The following NAALADL2 variants were observed in gnomAD, a reference collection of about 807,000 sequenced individuals.
NAALADL2 encodes the protein N-acetylated alpha-linked acidic dipeptidase like 2.
A neutral mutation model predicts 87.2 loss-of-function variants in NAALADL2; 76 were observed. That is an observed-to-expected ratio of 0.87 (90% CI 0.72 to 1.05). The LOEUF (loss-of-function observed/expected upper bound fraction) is 1.05. Ranked by LOEUF, NAALADL2 falls within the 50% of genes least tolerant of loss-of-function variation. The pLI is 0.00. For synonymous variants in NAALADL2, 354 were observed against 331.0 expected, an observed-to-expected ratio of 1.07 and a Z score of -0.75; for missense variants, 1,089 against 945.8, an observed-to-expected ratio of 1.15 and a Z score of -1.99.
chr3:174,932,767 T>G (rs1248713546), intron 1 of NAALADL2, among the ~76,000 whole-genome samples: 1 of 152,164 alleles, frequency 6.6e-6, no homozygotes, highest in East Asian at 1.9e-4. Context: ...TGATTTATAG[T>G]GATATGGTCA....
intron 12 of NAALADL2, among the ~76,000 whole-genome samples, chr3:175,747,983 A>C (rs1391989773): frequency 1.3e-5 from 2 of 152,096 alleles, no homozygotes. Flanking sequence ...TTATTGGATA[A>C]TCTTTAGAAT....
chr3:174,977,505 T>A (rs1744521987), intron 1 of NAALADL2, among the ~76,000 whole-genome samples: 1 of 152,258 alleles, frequency 6.6e-6, no homozygotes, highest in Non-Finnish European at 1.5e-5. Context: ...TTGAAAAGAT[T>A]TGTAAAAATT....
chr3:174,988,503 G>T (rs1008762302), intron 1 of NAALADL2, among the ~76,000 whole-genome samples: 1 of 152,144 alleles, frequency 6.6e-6, no homozygotes, highest in Non-Finnish European at 1.5e-5. Flanking sequence ...TTTCTGGTCT[G>T]CCACAACCAC....
chr3:175,561,507 T>A (rs775378318), intron 9 of NAALADL2, among the ~76,000 whole-genome samples: 1 of 152,264 alleles, frequency 6.6e-6, no homozygotes, highest in Middle Eastern at 3.4e-3. Flanking sequence ...AAATGTTAGA[T>A]GAAATATAAC....
intron 9 of NAALADL2, among the ~76,000 whole-genome samples, chr3:175,574,659 T>C (rs62285568): frequency 0.14 from 21,872 of 152,122 alleles, 1,698 homozygotes; most frequent in Middle Eastern, 0.2. Flanking sequence ...CTCACTCTAG[T>C]AAGTCCACTT....
intron 5 of NAALADL2, among the ~76,000 whole-genome samples, chr3:175,366,562 G>C (rs1352854605): frequency 6.6e-6 from 1 of 151,784 alleles, no homozygotes; most frequent in East Asian, 1.9e-4. Flanking sequence ...TAACTGGTGT[G>C]AGATGGTATC....
At chr3:175,431,420 A>G (rs1199644069) in intron 5 of NAALADL2, among the ~76,000 whole-genome samples, 2 of 151,996 alleles carry the variant, frequency 1.3e-5, no homozygotes, top group Admixed American at 1.3e-4. Flanking sequence ...AGTATTTGTC[A>G]CTGGCGTAAT....
chr3:174,903,985 T>TCTATATCTATA (rs1560345336), intron 1 of NAALADL2, among the ~76,000 whole-genome samples: 1 of 128,448 alleles, frequency 7.8e-6, no homozygotes, highest in African/African-American at 3.5e-5. Flanking sequence ...CTATATCTAT[T>TCTATATCTATA]TCTATATCTA....
intron 9 of NAALADL2, among the ~76,000 whole-genome samples, chr3:175,526,998 G>A (rs1733508730): frequency 2.0e-5 from 3 of 152,058 alleles, no homozygotes; most frequent in South Asian, 2.1e-4. Flanking sequence ...CACTTTCCTT[G>A]TACTGTTTCC....
intron 1 of NAALADL2, among the ~76,000 whole-genome samples, chr3:175,064,270 C>T (rs1388416394): frequency 6.7e-6 from 1 of 149,584 alleles, no homozygotes; most frequent in Non-Finnish European, 1.5e-5. Flanking sequence ...AGAAAAACGA[C>T]AACAAAACCA....
intron 13 of NAALADL2, among the ~76,000 whole-genome samples, chr3:175,790,742 A>G (rs1752682612): frequency 6.6e-6 from 1 of 152,200 alleles, no homozygotes; most frequent in Non-Finnish European, 1.5e-5. Flanking sequence ...CTTGAACAAC[A>G]CTTTCAAATT....
chr3:174,820,339 T>C (rs570997963), intron 3 of NAALADL2, among the ~76,000 whole-genome samples: 2 of 152,216 alleles, frequency 1.3e-5, no homozygotes, highest in Non-Finnish European at 2.9e-5. Flanking sequence ...ACCAATGTTT[T>C]CTATTCTCAG....
At chr3:174,727,482 A>C (rs1488194241) in intron 2 of NAALADL2, among the ~76,000 whole-genome samples, 2 of 152,100 alleles carry the variant, frequency 1.3e-5, no homozygotes, top group East Asian at 3.9e-4. Flanking sequence ...CAAAAGCTCA[A>C]ATCCAGCCTG....
Position 175,321,931 on chromosome 3 carries a change from C to T in NAALADL2, c.940-2244C>T, listed in dbSNP as rs1442247947. On this transcript the variant is annotated intron_variant, in intron 4 of 13. Transcript: ENST00000454872. Reference sequence around the variant, plus strand: ...TACTGCCCAAGGTAATTTACAGATTCAATGCCATCCCCATCAAGCTACCAA... The same window carrying T: ...TACTGCCCAAGGTAATTTACAGATTTAATGCCATCCCCATCAAGCTACCAA... 6.7e-3 allele frequency among the ~76,000 whole-genome samples: 1,000 copies of T among 149,230 alleles called. 16 individuals are homozygous for T. The highest frequency in any genetic ancestry group is 0.024 in the African/African-American group (963 of 40,236).
intron 11 of NAALADL2, among the ~76,000 whole-genome samples, chr3:175,674,784 A>AT (rs1249896583): frequency 2.6e-5 from 4 of 152,074 alleles, no homozygotes; most frequent in Non-Finnish European, 5.9e-5. Context: ...TCTTTTGATG[A>AT]TTTTTCATTG....
chr3:175,153,626 T>A (rs1731878108), intron 2 of NAALADL2, among the ~76,000 whole-genome samples: 1 of 152,184 alleles, frequency 6.6e-6, no homozygotes, highest in African/African-American at 2.4e-5. Flanking sequence ...TTTAAACAGT[T>A]TAAACAGAAT....
chr3:175,255,008 TG>T (rs1291043761), intron 3 of NAALADL2, among the ~76,000 whole-genome samples: 1 of 152,118 alleles, frequency 6.6e-6, no homozygotes, highest in Non-Finnish European at 1.5e-5. Context: ...TGGGCGAGTA[TG>T]GGTATGTAAT....
chr3:175,007,014 A>T (rs1025932347), intron 1 of NAALADL2, among the ~76,000 whole-genome samples: 4 of 151,776 alleles, frequency 2.6e-5, no homozygotes, highest in Non-Finnish European at 5.9e-5. Flanking sequence ...AATTAACCTT[A>T]TTCATAGCTC....
intron 1 of NAALADL2, among the ~76,000 whole-genome samples, chr3:174,874,022 C>T (rs776813469): frequency 6.6e-6 from 1 of 152,014 alleles, no homozygotes; most frequent in Non-Finnish European, 1.5e-5. Flanking sequence ...GCCCAACAAA[C>T]ATTAAGTTAC....
Sources: gnomAD v4.1 joint callset for allele counts (sites outside exome capture counted in the v4.1 genomes callset) on GRCh38, gnomAD v4.1.1 for gene constraint, MANE v1.5 for transcripts, NCBI Gene and HGNC (gene_info 2026-07-23, HGNC 2026-07-21) for gene names.